The following KCNQ1 variants were observed in gnomAD, a reference collection of about 807,000 sequenced individuals.
The protein encoded by KCNQ1 is potassium voltage-gated channel subfamily KQT member 1.
A neutral mutation model predicts 72.4 loss-of-function variants in KCNQ1; 49 were observed. That is an observed-to-expected ratio of 0.68 (90% CI 0.54 to 0.86). The LOEUF is 0.86. Among genes scored for constraint, KCNQ1 ranks in the 40% least tolerant of loss-of-function variants. The probability of loss-of-function intolerance (pLI) is 0.00; values close to 1 mark genes in which losing one functional copy is unlikely to be tolerated. For synonymous variants in KCNQ1, 450 were observed against 412.6 expected, an observed-to-expected ratio of 1.09 and a Z score of -1.10; for missense variants, 790 against 945.1, an observed-to-expected ratio of 0.84 and a Z score of 2.15.
In KCNQ1 at chr11:2,659,403, T is replaced by A. The variant is rs1849910730; in HGVS notation, c.1394-2558T>A. The A allele has an allele frequency of 2.5e-6, 1 of 398,516 alleles. No individual in the cohort carries two copies. Among genetic ancestry groups the A allele is most frequent in the Non-Finnish European group, 4.4e-6 (1 of 226,052 alleles). The allele number at this position is 398,516 out of a possible 1,614,324, so 24.7% of individuals were successfully genotyped here. A position where few individuals can be genotyped will look rare whatever the true frequency, so the allele number is the denominator to read the frequency against. On this transcript the variant is annotated intron_variant, in intron 10 of 15. Transcript: ENST00000155840. This position sits in a 1 kb window ranked among gnomAD's most constrained non-coding sequence, Gnocchi z 4.3. ...CTTTCACTGCTTAGCAAAATGCATT[T>A]GAGATTCATCCATGTTGTTGCATAA...
At chr11:2,701,959 AG>A (rs1207863514) in intron 11 of KCNQ1, among the ~76,000 whole-genome samples, 1 of 152,234 alleles carries the variant, frequency 6.6e-6, no homozygotes, top group African/African-American at 2.4e-5. Context: ...GTGAGAAGAC[AG>A]GGTCAGGAAT....
chr11:2,524,085 G>C (rs907781013), intron 1 of KCNQ1, among the ~76,000 whole-genome samples: 2 of 152,178 alleles, frequency 1.3e-5, no homozygotes, highest in African/African-American at 2.4e-5. Flanking sequence ...AGGGGAGGTT[G>C]TCCTGGGTTA....
chr11:2,512,218 G>A (rs1433159893), intron 1 of KCNQ1, among the ~76,000 whole-genome samples: 1 of 152,184 alleles, frequency 6.6e-6, no homozygotes, highest in African/African-American at 2.4e-5. Context: ...AATGAGAACC[G>A]CACATGCTCA....
intron 9 of KCNQ1, 100 bp downstream of exon 9, chr11:2,587,792 C>T: frequency 1.3e-6 from 2 of 1,523,102 alleles, no homozygotes; most frequent in Admixed American, 3.4e-5. Context: ...ATGCATTTGG[C>T]TTGGTACAGC....
At position 2,608,961 on chromosome 11, in the gene KCNQ1, GGTTT is replaced by G. The variant is rs1848929522; in HGVS notation, c.1393+20111_1393+20114del. On this transcript the variant is annotated intron_variant, in intron 10 of 15. Coordinates refer to ENST00000155840, the MANE Select transcript of KCNQ1 (RefSeq NM_000218.3). This position sits in a 1 kb window ranked among gnomAD's most constrained non-coding sequence, Gnocchi z 4.6. Reference sequence around the variant, plus strand: ...CCCTCTCTCTTACCAATCTATCAAAGGTTTGTTAATTTCAAAGAACCAAATTTTG... The same window carrying G: ...CCCTCTCTCTTACCAATCTATCAAAGGTTAATTTCAAAGAACCAAATTTTG... 1 of 396,250 alleles carries G rather than the reference GGTTT, an allele frequency of 2.5e-6. No individual in the cohort carries two copies. The highest frequency in any genetic ancestry group is 4.4e-6 in the Non-Finnish European group (1 of 225,564). 24.5% of individuals were successfully genotyped at this position (396,250 alleles called of 1,614,324 possible).
Position 2,645,878 on chromosome 11 carries a change from T to G in KCNQ1, c.1394-16083T>G, listed in dbSNP as rs80003280. On this transcript the variant is annotated intron_variant, in intron 10 of 15. Transcript: ENST00000155840. This position sits in a 1 kb window ranked among gnomAD's most constrained non-coding sequence, Gnocchi z 5.8. ...TGAATTGCCTGAGGATTCAGGGTGATCTCCCTCTCTGGGAGCTGTTCATTG... is the reference window on the plus strand; with the variant it reads ...TGAATTGCCTGAGGATTCAGGGTGAGCTCCCTCTCTGGGAGCTGTTCATTG... 0.013 allele frequency: 5,118 copies of G among 398,570 alleles called. 156 individuals carry two copies. Among genetic ancestry groups the G allele is most frequent in the East Asian group, 0.079 (2,220 of 28,054 alleles). 24.7% of individuals were successfully genotyped at this position (398,570 alleles called of 1,614,324 possible). A position where few individuals can be genotyped will look rare whatever the true frequency, so the allele number is the denominator to read the frequency against.
rs1359547712 is a variant in KCNQ1 at position 2,446,063 on chromosome 11, T to C, written c.386+579T>C. On this transcript the variant is annotated intron_variant, in intron 1 of 15. Transcript: ENST00000155840. The surrounding 1 kb of genome is among the most constrained non-coding windows in gnomAD (Gnocchi z 8.8). ...TAATTGAACCAAGCTCATGAAAACCTGGCTTGATGCAGAGAGCGGAGAGGC... is the reference window on the plus strand; with the variant it reads ...TAATTGAACCAAGCTCATGAAAACCCGGCTTGATGCAGAGAGCGGAGAGGC... Among the ~76,000 whole-genome samples the C allele has an allele frequency of 6.6e-6, 1 of 152,172 alleles. No homozygotes were observed. Among genetic ancestry groups the C allele is most frequent in the Non-Finnish European group, 1.5e-5 (1 of 68,008 alleles).
In KCNQ1 at chr11:2,620,212, T is replaced by TATATATA. The variant is rs749794052; in HGVS notation, c.1393+31358_1393+31359insATATATA. On this transcript the variant is annotated intron_variant, in intron 10 of 15. Coordinates refer to ENST00000155840, the MANE Select transcript of KCNQ1 (RefSeq NM_000218.3). The surrounding 1 kb of genome is among the most constrained non-coding windows in gnomAD (Gnocchi z 4.5). ...AAGTTCATTCATGTATATATATATA[T>TATATATA]TTTTTTTTTTTATTTTTTTTTTAGA... 5,434 of 201,824 alleles carry TATATATA rather than the reference T, an allele frequency of 0.027. 74 individuals are homozygous for TATATATA. The highest frequency in any genetic ancestry group is 0.048 in the South Asian group (230 of 4,792). The allele number at this position is 201,824 out of a possible 1,614,324, so 12.5% of individuals were successfully genotyped here. A position where few individuals can be genotyped will look rare whatever the true frequency, so the allele number is the denominator to read the frequency against.
In KCNQ1 at chr11:2,600,013, A is replaced by G. The variant is rs2133775256; in HGVS notation, c.1393+11159A>G. Among the ~76,000 whole-genome samples the G allele has an allele frequency of 6.6e-6, 1 of 152,282 alleles. No homozygotes were observed. On this transcript the variant is annotated intron_variant, in intron 10 of 15. Transcript: ENST00000155840. The surrounding 1 kb of genome is among the most constrained non-coding windows in gnomAD (Gnocchi z 5.6). ...TTTTTCTCGTTTTGTCTGACCTTGA[A>G]TTCCACAGGCAGGGTTCCTCTTTCC...
Position 2,691,835 on chromosome 11 carries a change from G to T in KCNQ1, c.1514+29754G>T. The T allele has an allele frequency of 2.5e-6, 1 of 398,650 alleles. No homozygotes were observed. Among genetic ancestry groups the T allele is most frequent in the South Asian group, 1.3e-4 (1 of 7,848 alleles). The allele number at this position is 398,650 out of a possible 1,614,324, so 24.7% of individuals were successfully genotyped here. A position where few individuals can be genotyped will look rare whatever the true frequency, so the allele number is the denominator to read the frequency against. Reference sequence around the variant, plus strand: ...CTGGATCCAATGTGACCTCTGCCAGGACCATGACCCCTAGGTCCTCTTTTC... The same window carrying T: ...CTGGATCCAATGTGACCTCTGCCAGTACCATGACCCCTAGGTCCTCTTTTC... On this transcript the variant is annotated intron_variant, in intron 11 of 15. Transcript: ENST00000155840. This position sits in a 1 kb window ranked among gnomAD's most constrained non-coding sequence, Gnocchi z 6.4.
intron 1 of KCNQ1, among the ~76,000 whole-genome samples, chr11:2,445,774 C>A (rs1482735237): frequency 6.6e-6 from 1 of 152,110 alleles, no homozygotes; most frequent in Non-Finnish European, 1.5e-5. Flanking sequence ...GGAGGGTAGT[C>A]CAGGTGTGAA....
rs199473472 is a variant in KCNQ1, at chr11:2,585,294, C to T, written c.1115C>T (p.Ala372Val). Residue 372 changes from alanine (A) to valine (V), a missense_variant, in exon 8 of 16, where the codon GCC (alanine) becomes GTC (valine). Around this residue, in one of 5 missense-constraint regions of KCNQ1, gnomAD observed 133 missense variants for 219.5 expected, o/e 0.61. Transcript: ENST00000155840. ...KHFNRQIPAA[A>V]SLIQTAWRCY... The stretch of plus-strand genomic sequence containing the variant: ...TTCAACCGGCAGATCCCGGCGGCAG[C>T]CTCACTCATTCAGGTGCGGTGCCTG... The T allele has an allele frequency of 6.2e-7, 1 of 1,613,784 alleles. No homozygotes were observed. Among genetic ancestry groups the T allele is most frequent in the Admixed American group, 1.7e-5 (1 of 60,014 alleles).
rs1847821751 is a variant in KCNQ1, at chr11:2,541,465, G to T, written c.477+13447G>T. On this transcript the variant is annotated intron_variant, in intron 2 of 15. Coordinates refer to ENST00000155840, the MANE Select transcript of KCNQ1 (RefSeq NM_000218.3). This position sits in a 1 kb window ranked among gnomAD's most constrained non-coding sequence, Gnocchi z 4.8. Reference sequence around the variant, plus strand: ...GGGTCAGGGATGGCTGCTGTCCTCGGGGGAGGGACTGAGCTGGGCCCTTTT... The same window carrying T: ...GGGTCAGGGATGGCTGCTGTCCTCGTGGGAGGGACTGAGCTGGGCCCTTTT... 1.3e-5 allele frequency among the ~76,000 whole-genome samples: 2 copies of T among 152,096 alleles called. No individual in the cohort carries two copies. Among genetic ancestry groups the T allele is most frequent in the African/African-American group, 4.8e-5 (2 of 41,418 alleles).
intron 2 of KCNQ1, among the ~76,000 whole-genome samples, chr11:2,534,621 C>T (rs934866170): frequency 6.6e-6 from 1 of 152,224 alleles, no homozygotes; most frequent in African/African-American, 2.4e-5. Context: ...CGGGGGTACC[C>T]ACTCCCTCCT....
In KCNQ1 at chr11:2,724,345, C is replaced by T. The variant is rs1845722051; in HGVS notation, c.1515-44499C>T. 6.6e-6 allele frequency among the ~76,000 whole-genome samples: 1 copy of T among 152,178 alleles called. No individual in the cohort carries two copies. The highest frequency in any genetic ancestry group is 1.5e-5 in the Non-Finnish European group (1 of 68,030). On this transcript the variant is annotated intron_variant, in intron 11 of 15. Coordinates refer to ENST00000155840, the MANE Select transcript of KCNQ1 (RefSeq NM_000218.3). The surrounding 1 kb of genome is among the most constrained non-coding windows in gnomAD (Gnocchi z 6.8). ...CCTAAATCCTCAGGAGTGACAGCGTCCTCCCGCCCGGATTGGGTTTCTGCA... is the reference window on the plus strand; with the variant it reads ...CCTAAATCCTCAGGAGTGACAGCGTTCTCCCGCCCGGATTGGGTTTCTGCA...
At position 2,562,737 on chromosome 11, in the gene KCNQ1, C is replaced by T. The variant is rs1213488471; in HGVS notation, c.478-7891C>T. Among the ~76,000 whole-genome samples, 2 of 152,138 alleles carry T rather than the reference C, an allele frequency of 1.3e-5. No individual in the cohort carries two copies. Among genetic ancestry groups the T allele is most frequent in the Non-Finnish European group, 2.9e-5 (2 of 68,018 alleles). On this transcript the variant is annotated intron_variant, in intron 2 of 15. Coordinates refer to ENST00000155840, the MANE Select transcript of KCNQ1 (RefSeq NM_000218.3). The surrounding 1 kb of genome is among the most constrained non-coding windows in gnomAD (Gnocchi z 7.5). ...TCAAGGGTGGGTGGATTCCTGGCTC[C>T]AGTGGAAGGTCCCCAGGCCTAAGTC...
At chr11:2,490,737 A>G (rs1264102204) in intron 1 of KCNQ1, among the ~76,000 whole-genome samples, 2 of 152,166 alleles carry the variant, frequency 1.3e-5, no homozygotes, top group African/African-American at 4.8e-5. Context: ...TGCCAAGGCT[A>G]GAGCGCAATG....
chr11:2,778,151 C>T, intron 15 of KCNQ1, 114 bp downstream of exon 15: 1 of 1,016,158 alleles, frequency 9.8e-7, no homozygotes, highest in Admixed American at 1.9e-5. Context: ...CACCTTCCCG[C>T]CAGTGCCTAC....
chr11:2,717,520 T>C (rs1042733419), intron 11 of KCNQ1, among the ~76,000 whole-genome samples: 66 of 152,292 alleles, frequency 4.3e-4, no homozygotes, highest in African/African-American at 1.6e-3. Flanking sequence ...AACCTTTTAA[T>C]GAAAGTGCCT....
Sources: allele counts gnomAD v4.1 joint callset (sites outside exome capture counted in the v4.1 genomes callset), GRCh38; gene constraint gnomAD v4.1.1; regional missense constraint gnomAD v4.1.1; non-coding constraint Gnocchi (gnomAD v3.1); transcripts MANE v1.5; gene names NCBI Gene and HGNC (gene_info 2026-07-23, HGNC 2026-07-21).